The following FGGY variants were observed in gnomAD, a reference collection of about 807,000 sequenced individuals.
The protein encoded by FGGY is FGGY carbohydrate kinase domain-containing protein.
A neutral mutation model predicts 71.3 loss-of-function variants in FGGY; 72 were observed. The ratio of observed to expected loss-of-function variants is 1.01; its 90% CI spans 0.84 to 1.23. The LOEUF (loss-of-function observed/expected upper bound fraction) is 1.23. Ranked by LOEUF, FGGY falls within the 50% of genes most tolerant of loss-of-function variation. FGGY has a pLI of 0.00. For missense variants in FGGY, 668 were observed against 682.3 expected, an observed-to-expected ratio of 0.98 and a Z score of 0.23; for synonymous variants, 251 against 250.3, an observed-to-expected ratio of 1.00 and a Z score of -0.02.
chr1:59,483,823 G>T (rs941748932), intron 6 of FGGY, among the ~76,000 whole-genome samples: 1 of 152,044 alleles, frequency 6.6e-6, no homozygotes, highest in African/African-American at 2.4e-5. Context: ...AAGTCCTGGG[G>T]AGATGAATTC....
At chr1:59,642,909 G>A (rs2097051202) in intron 11 of FGGY, among the ~76,000 whole-genome samples, 1 of 149,208 alleles carries the variant, frequency 6.7e-6, no homozygotes, top group Non-Finnish European at 1.5e-5. Flanking sequence ...GTGGCGGGTG[G>A]CTGTAGTCCC....
At chr1:59,570,456 C>A (rs1285153151) in intron 8 of FGGY, among the ~76,000 whole-genome samples, 1 of 152,150 alleles carries the variant, frequency 6.6e-6, no homozygotes, top group African/African-American at 2.4e-5. Context: ...CCTTTATCTC[C>A]ATCCTTTCAA....
intron 10 of FGGY, among the ~76,000 whole-genome samples, chr1:59,627,065 T>G (rs1242012467): frequency 6.6e-6 from 1 of 151,658 alleles, no homozygotes; most frequent in Non-Finnish European, 1.5e-5. Flanking sequence ...ATAAAATAGG[T>G]GATAGATAAC....
intron 5 of FGGY, among the ~76,000 whole-genome samples, chr1:59,423,279 G>A (rs2153448004): frequency 6.6e-6 from 1 of 152,318 alleles, no homozygotes; most frequent in East Asian, 1.9e-4. Flanking sequence ...GAGTGTGGCA[G>A]CTGAAGCACA....
At chr1:59,547,505 C>T (rs1316073481) in intron 7 of FGGY, among the ~76,000 whole-genome samples, 4 of 152,106 alleles carry the variant, frequency 2.6e-5, no homozygotes, top group African/African-American at 7.2e-5. Flanking sequence ...CCCCGAGGTC[C>T]CCCACAATTT....
At chr1:59,687,848 A>G (rs1439433980) in intron 14 of FGGY, among the ~76,000 whole-genome samples, 1 of 152,138 alleles carries the variant, frequency 6.6e-6, no homozygotes, top group Non-Finnish European at 1.5e-5. Context: ...CTTGACTGGT[A>G]GTCCAGCTAC....
rs1171043715 is a variant in FGGY, at chr1:59,699,495, T to G, written c.1512+25362T>G. The G allele has an allele frequency of 4.0e-6, 3 of 754,924 alleles. No individual in the cohort carries two copies. In the African/African-American group the frequency reaches 5.7e-5, roughly 14 times the overall value. 46.8% of individuals were successfully genotyped at this position (754,924 alleles called of 1,614,324 possible). A position where few individuals can be genotyped will look rare whatever the true frequency, so the allele number is the denominator to read the frequency against. Reference sequence around the variant, plus strand: ...CTCAAAAACAACCCCTCTGCTCTTTTGCCATGGATAGAAAAAGTATTTGTG... The same window carrying G: ...CTCAAAAACAACCCCTCTGCTCTTTGGCCATGGATAGAAAAAGTATTTGTG... On this transcript the variant is annotated intron_variant, in intron 14 of 15. Transcript: ENST00000303721.
intron 6 of FGGY, among the ~76,000 whole-genome samples, chr1:59,458,169 T>C (rs551071305): frequency 6.6e-6 from 1 of 152,238 alleles, no homozygotes; most frequent in African/African-American, 2.4e-5. Context: ...AAAATGTATA[T>C]GCCCTCCAAA....
intron 5 of FGGY, among the ~76,000 whole-genome samples, chr1:59,433,689 C>T (rs1367365950): frequency 6.6e-6 from 1 of 152,180 alleles, no homozygotes; most frequent in Non-Finnish European, 1.5e-5. Flanking sequence ...AGATGTGTCA[C>T]TGGTGACACA....
At chr1:59,698,347 G>T (rs892648749) in intron 14 of FGGY, among the ~76,000 whole-genome samples, 11 of 152,066 alleles carry the variant, frequency 7.2e-5, no homozygotes, top group Admixed American at 7.2e-4. Flanking sequence ...TTCCCAGCTA[G>T]TCAGAACCAT....
chr1:59,337,444 C>G (rs1252594439), intron 2 of FGGY, among the ~76,000 whole-genome samples: 2 of 152,102 alleles, frequency 1.3e-5, no homozygotes, highest in Admixed American at 6.5e-5. Context: ...CCACTCACAT[C>G]AAGGGTGGCT....
chr1:59,370,704 T>C (rs1357904770), intron 4 of FGGY, among the ~76,000 whole-genome samples: 1 of 151,600 alleles, frequency 6.6e-6, no homozygotes, highest in African/African-American at 2.4e-5. Context: ...TAACAGCGGA[T>C]CTCTTGGCAG....
At chr1:59,703,215 G>A (rs1360672059) in intron 14 of FGGY, among the ~76,000 whole-genome samples, 4 of 152,078 alleles carry the variant, frequency 2.6e-5, no homozygotes, top group African/African-American at 9.7e-5. Context: ...GGTATTTTCT[G>A]CCTTGTTCTC....
At chr1:59,491,601 T>A (rs1364982265) in intron 6 of FGGY, among the ~76,000 whole-genome samples, 1 of 152,158 alleles carries the variant, frequency 6.6e-6, no homozygotes, top group Admixed American at 6.6e-5. Context: ...TCTAAGAGTT[T>A]TTTTGGTAGA....
chr1:59,459,738 A>G (rs2092012853), intron 6 of FGGY, among the ~76,000 whole-genome samples: 1 of 152,212 alleles, frequency 6.6e-6, no homozygotes. Context: ...GATAAGCAAC[A>G]TCCCACCTGT....
chr1:59,616,416 G>A (rs901176317), intron 9 of FGGY, among the ~76,000 whole-genome samples: 4 of 152,146 alleles, frequency 2.6e-5, no homozygotes, highest in Non-Finnish European at 4.4e-5. Flanking sequence ...TCACTCATAG[G>A]TGGGAATTGA....
intron 6 of FGGY, among the ~76,000 whole-genome samples, chr1:59,475,961 A>G (rs2093245568): frequency 6.6e-6 from 1 of 152,222 alleles, no homozygotes. Context: ...GCCATGTTCA[A>G]CAAAGTCTTG....
chr1:59,759,634 G>C (rs565284260), intron 15 of FGGY, among the ~76,000 whole-genome samples: 1 of 152,206 alleles, frequency 6.6e-6, no homozygotes, highest in African/African-American at 2.4e-5. Flanking sequence ...CGGTGCTTTA[G>C]CACCATCTGC....
intron 5 of FGGY, among the ~76,000 whole-genome samples, chr1:59,398,992 T>C (rs1357309335): frequency 1.3e-5 from 2 of 152,210 alleles, no homozygotes; most frequent in Non-Finnish European, 2.9e-5. Context: ...ATGGTATTTA[T>C]TAGAATCATA....
Sources: allele counts gnomAD v4.1 joint callset (sites outside exome capture counted in the v4.1 genomes callset), GRCh38; gene constraint gnomAD v4.1.1; transcripts MANE v1.5; gene names NCBI Gene and HGNC (gene_info 2026-07-23, HGNC 2026-07-21).